Variants in MYBPC3 observed in about 807,000 individuals in gnomAD.
The protein encoded by MYBPC3 is myosin binding protein C3.
In MYBPC3, 108 loss-of-function variants were observed where a neutral mutation model predicts 159.3. That is an observed-to-expected ratio of 0.68 (90% CI 0.58 to 0.80). MYBPC3 has a LOEUF of 0.80. Ranked by LOEUF, MYBPC3 falls within the 30% of genes least tolerant of loss-of-function variation. MYBPC3 has a pLI of 0.00. For synonymous variants in MYBPC3, 730 were observed against 702.0 expected (o/e 1.04, Z -0.63); for missense variants, 1,631 against 1,762.1 (o/e 0.93, Z 1.33).
At position 47,343,480 on chromosome 11, in the gene MYBPC3, C is replaced by T; in HGVS notation, c.1223+12G>A. ...CCTCCACCCGAGCCCCCCTCCCCAC[C>T]CCAGGCTGCACCTGCCGCTCATCTG... On this transcript the variant is annotated intron_variant, in intron 13 of 34. Transcript: ENST00000545968. 2 of 1,573,628 alleles carry T rather than the reference C, an allele frequency of 1.3e-6. No homozygotes were observed. Among genetic ancestry groups the T allele is most frequent in the Non-Finnish European group, 8.6e-7 (1 of 1,160,170 alleles).
rs947403507 is a variant in MYBPC3, at chr11:47,339,485, CCT to C, written c.2068-83_2068-82del. On this transcript the variant is annotated intron_variant, in intron 21 of 34. Coordinates refer to ENST00000545968, the MANE Select transcript of MYBPC3 (RefSeq NM_000256.3). ...CGCCCCTCTGCTGCTTCTTCCACCC[CCT>C]GACCCACACTGCCCACCTTGCCTGC... 6.3e-5 allele frequency: 96 copies of C among 1,532,512 alleles called. No individual in the cohort carries two copies. In the African/African-American group the frequency reaches 1.1e-3, roughly 18 times the overall value. The allele number at this position is 1,532,512 out of a possible 1,614,324, so 94.9% of individuals were successfully genotyped here. A position where few individuals can be genotyped will look rare whatever the true frequency, so the allele number is the denominator to read the frequency against.
At chr11:47,343,190 C>T in intron 14 of MYBPC3, 45 bp from the exon 15 acceptor site, 5 of 1,597,238 alleles carry the variant, frequency 3.1e-6, no homozygotes, top group Non-Finnish European at 4.3e-6. Flanking sequence ...TGCGGACACC[C>T]CTCCGGGCCC....
rs779884363 is a variant in MYBPC3 at position 47,332,852 on chromosome 11, G to A, written c.3452C>T (p.Ala1151Val). ...AAAGACGGGCTCCTTGGTGGTGGCC[G>A]CTCTGTCACTAAAGCCAACCATATT... ...SQNMVGFSDR[A>V]ATTKEPVFIP... The change falls in exon 31 of 35, where the codon GCG (alanine) becomes GTG (valine). Residue 1151 changes from alanine (A) to valine (V), a missense_variant. Transcript: ENST00000545968. The surrounding 1 kb of genome is among the most constrained non-coding windows in gnomAD (Gnocchi z 4.2). The A allele has an allele frequency of 1.9e-5, 31 of 1,606,670 alleles. No individual in the cohort carries two copies. The highest frequency in any genetic ancestry group is 9.4e-5 in the African/African-American group (7 of 74,798).
rs397515938 is a variant in MYBPC3, at chr11:47,339,784, G to A, written c.1934C>T (p.Pro645Leu). Residue 645 changes from proline (P) to leucine (L), a missense_variant, in exon 21 of 35, where the codon CCC becomes CTC. Coordinates refer to ENST00000545968, the MANE Select transcript of MYBPC3 (RefSeq NM_000256.3). ...GCCTGGGCAGTCCAGGTGGATCTTG[G>A]GAGGTTCTGCAGAAGACACAATGTA... ...KIDFVPRQEP[P>L]KIHLDCPGRI... 6.2e-7 allele frequency: 1 copy of A among 1,613,486 alleles called. No individual in the cohort carries two copies. The highest frequency in any genetic ancestry group is 8.5e-7 in the Non-Finnish European group (1 of 1,179,444).
Position 47,341,197 on chromosome 11 carries a change from TCAG to T in MYBPC3, c.1835_1837del (p.Ala612del). 2 of 1,596,880 alleles carry T rather than the reference TCAG, an allele frequency of 1.3e-6. No individual in the cohort carries two copies. Among genetic ancestry groups the T allele is most frequent in the Admixed American group, 1.7e-5 (1 of 57,714 alleles). ...GAAGCCCTCGGGCACAAAGCTGTAG[TCAG>T]CCTCGTCGGCAGGTGTGACGTCGTC... is the stretch of plus-strand genomic sequence containing the variant. On this transcript the variant is annotated inframe_deletion, in exon 19 of 35. Transcript: ENST00000545968.
chr11:47,352,480 C>A, intron 1 of MYBPC3, 143 bp downstream of exon 1: 3 of 1,030,542 alleles, frequency 2.9e-6, no homozygotes, highest in Non-Finnish European at 4.2e-6. Context: ...AAAAAAGGAC[C>A]CTGGAGGACT....
Position 47,340,128 on chromosome 11 carries a change from C to A in MYBPC3, c.1928-338G>T, listed in dbSNP as rs184889863. On this transcript the variant is annotated intron_variant, in intron 20 of 34. Transcript: ENST00000545968. ...CATACACACACACACAATACACACA[C>A]ACACACGCATATACACATACACACA... Among the ~76,000 whole-genome samples the A allele has an allele frequency of 2.6e-5, 4 of 151,970 alleles. No individual in the cohort carries two copies. The East Asian group carries it at 7.7e-4, about 29-fold the overall frequency.
rs1192731148 is a variant in MYBPC3, at chr11:47,343,474, C to G, written c.1223+18G>C. 1.3e-6 allele frequency: 2 copies of G among 1,567,604 alleles called. No individual in the cohort carries two copies. The highest frequency in any genetic ancestry group is 4.7e-5 in the East Asian group (2 of 42,408). On this transcript the variant is annotated intron_variant, in intron 13 of 34. Transcript: ENST00000545968. ...TCCCCACCTCCACCCGAGCCCCCCT[C>G]CCCACCCCAGGCTGCACCTGCCGCT...
Position 47,335,032 on chromosome 11 carries a change from G to C in MYBPC3, c.2905+10C>G. The C allele has an allele frequency of 2.0e-6, 3 of 1,521,806 alleles. No homozygotes were observed. The highest frequency in any genetic ancestry group is 2.7e-6 in the Non-Finnish European group (3 of 1,127,796). The allele number at this position is 1,521,806 out of a possible 1,614,324, so 94.3% of individuals were successfully genotyped here. A position where few individuals can be genotyped will look rare whatever the true frequency, so the allele number is the denominator to read the frequency against. On this transcript the variant is annotated intron_variant, in intron 27 of 34. Coordinates refer to ENST00000545968, the MANE Select transcript of MYBPC3 (RefSeq NM_000256.3). ...TGGCGGGTCTTGTGACTGCACAAAG[G>C]GGCACTCACGCAGGATCTCCTGCAC...
intron 30 of MYBPC3, 106 bp downstream of exon 30, chr11:47,333,088 A>T: frequency 3.3e-6 from 5 of 1,522,650 alleles, no homozygotes; most frequent in Non-Finnish European, 4.4e-6. Context: ...TCAGATCAGC[A>T]GAGGGAGGGT....
In MYBPC3 at chr11:47,347,867, A is replaced by T; in HGVS notation, c.811T>A (p.Phe271Ile). ...AGGATGGCCACTCACGTGCGGCGGA[A>T]GGCTGATAGGAGGTCCAGGTCTCCG... The part of the protein sequence containing the change: ...GTGDLDLLSA[F>I]RRTSLAGGGR... The change falls in exon 7 of 35, where the codon TTC becomes ATC. Residue 271 changes from phenylalanine to isoleucine, a missense_variant. Phe to Ile is a conservative substitution (Grantham distance 21). Transcript: ENST00000545968. 1 of 1,568,768 alleles carries T rather than the reference A, an allele frequency of 6.4e-7. No individual in the cohort carries two copies. Among genetic ancestry groups the T allele is most frequent in the Non-Finnish European group, 8.6e-7 (1 of 1,157,364 alleles).
chr11:47,333,010 A>G lies in MYBPC3; in HGVS notation c.3331-37T>C, dbSNP rs888075692. ...GAGGGAGGGGAGGCATCTCTGGGCC[A>G]GGCCCTTCCTGATGCCGAGAGCCTC... On this transcript the variant is annotated intron_variant, in intron 30 of 34. Coordinates refer to ENST00000545968, the MANE Select transcript of MYBPC3 (RefSeq NM_000256.3). 4 of 1,589,414 alleles carry G rather than the reference A, an allele frequency of 2.5e-6. No homozygotes were observed. The African/African-American group carries it at 4.0e-5, about 16-fold the overall frequency.
At chr11:47,336,133 G>T in intron 25 of MYBPC3, 122 bp from the exon 26 acceptor site, 4 of 987,028 alleles carry the variant, frequency 4.1e-6, no homozygotes, top group Non-Finnish European at 4.1e-6. Flanking sequence ...CTGGCTTTTG[G>T]CCACTTTAAG....
At position 47,332,436 on chromosome 11, in the gene MYBPC3, A is replaced by G; in HGVS notation, c.3627+130T>C. 3.5e-6 allele frequency: 5 copies of G among 1,443,080 alleles called. No homozygotes were observed. The highest frequency in any genetic ancestry group is 2.3e-5 in the East Asian group (1 of 43,132). 89.4% of individuals were successfully genotyped at this position (1,443,080 alleles called of 1,614,324 possible). A position where few individuals can be genotyped will look rare whatever the true frequency, so the allele number is the denominator to read the frequency against. The stretch of plus-strand genomic sequence containing the variant: ...GAGTACCATGGCCCTGCCCAGGGGG[A>G]GGAACCCGGTCCATACACCCCAAGG... On this transcript the variant is annotated intron_variant, in intron 32 of 34. Coordinates refer to ENST00000545968, the MANE Select transcript of MYBPC3 (RefSeq NM_000256.3). This position sits in a 1 kb window ranked among gnomAD's most constrained non-coding sequence, Gnocchi z 4.2.
rs199741162 is a variant in MYBPC3 at position 47,346,227 on chromosome 11, C to T, written c.1070G>A (p.Arg357His). ...CTAACCTGTGCTCTTCTTCTCATCG[C>T]GCCTCATGCCCTTGAGCCTCTTTAG... ...GMLKRLKGMR[R>H]DEKKSTAFQK... Residue 357 changes from arginine (R) to histidine (H), a missense_variant, in exon 12 of 35, where the codon CGC (arginine) becomes CAC (histidine). Coordinates refer to ENST00000545968, the MANE Select transcript of MYBPC3 (RefSeq NM_000256.3). The surrounding 1 kb of genome is among the most constrained non-coding windows in gnomAD (Gnocchi z 5.3). 19 of 1,613,814 alleles carry T rather than the reference C, an allele frequency of 1.2e-5. No individual in the cohort carries two copies. Among genetic ancestry groups the T allele is most frequent in the Middle Eastern group, 1.6e-4 (1 of 6,070 alleles).
At chr11:47,347,208 T>C (rs991259142) in intron 9 of MYBPC3, 179 bp from the exon 10 acceptor site, 2 of 984,962 alleles carry the variant, frequency 2.0e-6, no homozygotes, top group Admixed American at 1.2e-4. Flanking sequence ...AAGTGTGGAG[T>C]GGCCGTGGGG....
At chr11:47,344,268 C>A (rs944230990) in intron 12 of MYBPC3, among the ~76,000 whole-genome samples, 9 of 152,228 alleles carry the variant, frequency 5.9e-5, no homozygotes, top group Non-Finnish European at 1.2e-4. Context: ...TCTCAGCAAC[C>A]CCTGAGTTGT....
Position 47,339,759 on chromosome 11 carries a change from G to A in MYBPC3, c.1959C>T (p.Gly653=). Reference sequence around the variant, plus strand: ...CAACCACAATGGTGTCTGGTATGCGGCCTGGGCAGTCCAGGTGGATCTTGG... The same window carrying A: ...CAACCACAATGGTGTCTGGTATGCGACCTGGGCAGTCCAGGTGGATCTTGG... ...EPPKIHLDCP[G]RIPDTIVVVA... Residue 653 remains glycine, a synonymous_variant, in exon 21 of 35, where the codon GGC becomes GGT. Coordinates refer to ENST00000545968, the MANE Select transcript of MYBPC3 (RefSeq NM_000256.3). The A allele has an allele frequency of 6.2e-7, 1 of 1,613,914 alleles. No homozygotes were observed. The highest frequency in any genetic ancestry group is 8.5e-7 in the Non-Finnish European group (1 of 1,179,788).
chr11:47,348,565 G>C (rs190277019), intron 5 of MYBPC3, 24 bp from the exon 6 acceptor site: 1 of 1,574,118 alleles, frequency 6.4e-7, no homozygotes, highest in Admixed American at 1.7e-5. Flanking sequence ...GGGACGGGGC[G>C]TCAGGGGACA....
Sources: gnomAD v4.1 joint callset for allele counts (sites outside exome capture counted in the v4.1 genomes callset) on GRCh38, gnomAD v4.1.1 for gene constraint, Gnocchi (gnomAD v3.1) non-coding constraint, MANE v1.5 for transcripts, NCBI Gene and HGNC (gene_info 2026-07-23, HGNC 2026-07-21) for gene names.